TECTB: variants seen among roughly 807,000 people sequenced by gnomAD.
The protein encoded by TECTB is beta-tectorin.
A neutral mutation model predicts 43.3 loss-of-function variants in TECTB; 45 were observed. That is an observed-to-expected ratio of 1.04 (90% confidence interval 0.82 to 1.33). The LOEUF (loss-of-function observed/expected upper bound fraction) is 1.33. Ranked by LOEUF, TECTB falls within the 40% of genes most tolerant of loss-of-function variation. The pLI is 0.00. For missense variants in TECTB, 399 were observed against 404.7 expected, an observed-to-expected ratio of 0.99 and a Z score of 0.12; for synonymous variants, 169 against 156.7, an observed-to-expected ratio of 1.08 and a Z score of -0.59.
chr10:112,286,250 A>C (rs1259799415), intron 4 of TECTB, 37 bp downstream of exon 4: 1 of 1,614,062 alleles, frequency 6.2e-7, no homozygotes, highest in Non-Finnish European at 8.5e-7. Flanking sequence ...TGGCTGCCTC[A>C]TGTGTGTACT....
Position 112,300,279 on chromosome 10 carries a change from A to AAAGGAAAGAAAG in TECTB, c.907+717_907+718insGGAAAGAAAGAA, listed in dbSNP as rs1361291056. 1.8e-3 allele frequency among the ~76,000 whole-genome samples: 86 copies of AAAGGAAAGAAAG among 48,390 alleles called. 2 individuals carry two copies. Among genetic ancestry groups the AAAGGAAAGAAAG allele is most frequent in the Non-Finnish European group, 2.4e-3 (61 of 25,448 alleles). The allele number at this position is 48,390 out of a possible 152,430, so 31.7% of individuals were successfully genotyped here. On this transcript the variant is annotated intron_variant, in intron 9 of 10. Transcript: ENST00000646139. ...GAAAGAAAGAAAGAAAGAAAGAAAG[A>AAAGGAAAGAAAG]AAAGAAAGAAAGAAAGAAAGAAAGA...
At chr10:112,302,699 G>T (rs1199212836) in intron 10 of TECTB, 1 of 197,652 alleles carries the variant, frequency 5.1e-6, no homozygotes, top group African/African-American at 2.3e-5. Flanking sequence ...ACTGGGAACT[G>T]GTCTTGTGGC....
In TECTB at chr10:112,293,775, T is replaced by C. The variant is rs771587792; in HGVS notation, c.521T>C (p.Val174Ala). The C allele has an allele frequency of 1.9e-6, 3 of 1,614,046 alleles. No homozygotes were observed. Among genetic ancestry groups the C allele is most frequent in the South Asian group, 2.2e-5 (2 of 91,080 alleles). ...KFSIKKEAPF[V>A]LEASEIGSDL... ...TCCATCAAGAAAGAAGCTCCCTTTG[T>C]CCTGGAGGCATCCGAAATCGGTTCA... The change falls in exon 6 of 11, where the codon GTC becomes GCC. Residue 174 changes from valine (V) to alanine (A), a missense_variant. Coordinates refer to ENST00000646139, the MANE Select transcript of TECTB (RefSeq NM_058222.3).
chr10:112,286,990 C>G (rs1446051964), intron 5 of TECTB, among the ~76,000 whole-genome samples: 1 of 152,186 alleles, frequency 6.6e-6, no homozygotes, highest in Non-Finnish European at 1.5e-5. Context: ...TCCCATTTTA[C>G]AGATGAGAAA....
chr10:112,303,133 T>C, intron 10 of TECTB, 130 bp from the exon 11 acceptor site: 1 of 1,080,076 alleles, frequency 9.3e-7, no homozygotes, highest in Non-Finnish European at 1.4e-6. Context: ...CCCCAAGGGA[T>C]GAACAAAATC....
At chr10:112,295,719 G>C (rs780297798) in intron 7 of TECTB, among the ~76,000 whole-genome samples, 6 of 152,246 alleles carry the variant, frequency 3.9e-5, no homozygotes, top group Non-Finnish European at 7.3e-5. Flanking sequence ...ATTGCTATCA[G>C]GCACTGGGAA....
In TECTB at chr10:112,303,406, A is replaced by G. The variant is rs1848629173; in HGVS notation, c.*94A>G. On this transcript the variant is annotated 3_prime_UTR_variant, in exon 11 of 11. Coordinates refer to ENST00000646139, the MANE Select transcript of TECTB (RefSeq NM_058222.3). ...TGCTGCCAAAAAGAACAAACAGAAG[A>G]CCACATTGTTGGGGGGCAGAGAATA... is the stretch of plus-strand genomic sequence containing the variant. 10 of 1,506,900 alleles carry G rather than the reference A, an allele frequency of 6.6e-6. No individual in the cohort carries two copies. Among genetic ancestry groups the G allele is most frequent in the South Asian group, 1.1e-5 (1 of 88,302 alleles). 93.3% of individuals were successfully genotyped at this position (1,506,900 alleles called of 1,614,324 possible).
chr10:112,299,870 A>AC (rs1204840608), intron 9 of TECTB, among the ~76,000 whole-genome samples: 9 of 152,116 alleles, frequency 5.9e-5, no homozygotes, highest in Middle Eastern at 3.4e-3. Flanking sequence ...ATAGAAAATG[A>AC]GATGTCATGG....
intron 7 of TECTB, among the ~76,000 whole-genome samples, chr10:112,297,490 G>A (rs994599924): frequency 8.2e-4 from 125 of 152,192 alleles, no homozygotes; most frequent in African/African-American, 2.9e-3. Flanking sequence ...ATCAGCCTGT[G>A]TTAACATTTA....
In TECTB at chr10:112,300,279, A is replaced by AAAGAAAGAAAGAAAG. The variant is rs1361291056; in HGVS notation, c.907+717_907+718insGAAAGAAAGAAAGAA. On this transcript the variant is annotated intron_variant, in intron 9 of 10. Coordinates refer to ENST00000646139, the MANE Select transcript of TECTB (RefSeq NM_058222.3). ...GAAAGAAAGAAAGAAAGAAAGAAAG[A>AAAGAAAGAAAGAAAG]AAAGAAAGAAAGAAAGAAAGAAAGA... is the stretch of plus-strand genomic sequence containing the variant. 8.7e-3 allele frequency among the ~76,000 whole-genome samples: 419 copies of AAAGAAAGAAAGAAAG among 48,266 alleles called. 9 individuals are homozygous for AAAGAAAGAAAGAAAG. The highest frequency in any genetic ancestry group is 0.048 in the Middle Eastern group (5 of 104). 31.7% of individuals were successfully genotyped at this position (48,266 alleles called of 152,430 possible).
At chr10:112,288,742 A>G (rs1411406830) in intron 5 of TECTB, among the ~76,000 whole-genome samples, 1 of 152,178 alleles carries the variant, frequency 6.6e-6, no homozygotes, top group Non-Finnish European at 1.5e-5. Flanking sequence ...ATTGCTTAGG[A>G]TCCTGAGAGC....
rs894624129 is a variant in TECTB, at chr10:112,303,416, T to TG, written c.*110dup. 76 of 1,445,456 alleles carry TG rather than the reference T, an allele frequency of 5.3e-5. 3 individuals carry two copies. Among genetic ancestry groups the TG allele is most frequent in the South Asian group, 1.2e-5 (1 of 86,354 alleles). 89.5% of individuals were successfully genotyped at this position (1,445,456 alleles called of 1,614,324 possible). A position where few individuals can be genotyped will look rare whatever the true frequency, so the allele number is the denominator to read the frequency against. ...AAGAACAAACAGAAGACCACATTGT[T>TG]GGGGGGCAGAGAATAGCACTTTGCC... On this transcript the variant is annotated 3_prime_UTR_variant, in exon 11 of 11. Coordinates refer to ENST00000646139, the MANE Select transcript of TECTB (RefSeq NM_058222.3).
rs375753282 is a variant in TECTB at position 112,302,148 on chromosome 10, C to T, written c.940+15C>T. 22 of 1,613,850 alleles carry T rather than the reference C, an allele frequency of 1.4e-5. No individual in the cohort carries two copies. In the African/African-American group the frequency reaches 2.7e-4, roughly 20 times the overall value. On this transcript the variant is annotated intron_variant, in intron 10 of 10. Coordinates refer to ENST00000646139, the MANE Select transcript of TECTB (RefSeq NM_058222.3). ...TAGCTTCTCAGGTAAGGAAAAGAGA[C>T]ACTTCTGGGATTTCGTGGGGCTATG...
chr10:112,292,442 G>C (rs1156911068), intron 5 of TECTB, among the ~76,000 whole-genome samples: 1 of 151,890 alleles, frequency 6.6e-6, no homozygotes, highest in Non-Finnish European at 1.5e-5. Flanking sequence ...GAGGTTTTTT[G>C]TTTTTTGTTT....
Position 112,286,031 on chromosome 10 carries a change from G to A in TECTB, c.268-40G>A, listed in dbSNP as rs1415153340. ...CCCAGAACCCTCATTCCCATCGCGG[G>A]GAAACAGATTCATCCTGACTGTCTC... On this transcript the variant is annotated intron_variant, in intron 3 of 10. Coordinates refer to ENST00000646139, the MANE Select transcript of TECTB (RefSeq NM_058222.3). 3 of 1,610,928 alleles carry A rather than the reference G, an allele frequency of 1.9e-6. No individual in the cohort carries two copies. In the Admixed American group the frequency reaches 5.0e-5, roughly 27 times the overall value.
In TECTB at chr10:112,303,293, G is replaced by C. The variant is rs373118400; in HGVS notation, c.971G>C (p.Gly324Ala). 15 of 1,613,970 alleles carry C rather than the reference G, an allele frequency of 9.3e-6. No homozygotes were observed. The highest frequency in any genetic ancestry group is 1.3e-5 in the Non-Finnish European group (15 of 1,180,030). ...DVLHHLIMML[G>A]ICAVL is the part of the protein sequence containing the mutation. ...CTCCACCACCTCATCATGATGTTGG[G>C]GATTTGTGCCGTGTTATAGGAGTTA... Residue 324 changes from glycine to alanine, a missense_variant, in exon 11 of 11, where the codon GGG (glycine) becomes GCG (alanine). Transcript: ENST00000646139.
intron 7 of TECTB, among the ~76,000 whole-genome samples, chr10:112,294,553 A>G (rs918327699): frequency 6.6e-6 from 1 of 152,214 alleles, no homozygotes; most frequent in Non-Finnish European, 1.5e-5. Flanking sequence ...ACCATTTTAA[A>G]TAAGATCATT....
rs752727295 is a variant in TECTB, at chr10:112,283,778, C to T, written c.44C>T (p.Ala15Val). ...AFVLLAIFAE[A>V]SAKSCAPNKA... ...GTCTTGTTGGCCATCTTTGCAGAAG[C>T]CTCTGCAAAATCGTGTGCTCCAAAT... is the stretch of plus-strand genomic sequence containing the variant. Residue 15 changes from alanine to valine, a missense_variant, in exon 2 of 11, where the codon GCC becomes GTC. Transcript: ENST00000646139. The T allele has an allele frequency of 1.9e-6, 3 of 1,613,936 alleles. No individual in the cohort carries two copies. Among genetic ancestry groups the T allele is most frequent in the South Asian group, 2.2e-5 (2 of 91,030 alleles).
At chr10:112,288,827 C>T (rs1848475652) in intron 5 of TECTB, among the ~76,000 whole-genome samples, 1 of 152,224 alleles carries the variant, frequency 6.6e-6, no homozygotes, top group African/African-American at 2.4e-5. Context: ...ATCCCCCTCC[C>T]ACTCACTCTT....
Sources: gnomAD v4.1 joint callset for allele counts (sites outside exome capture counted in the v4.1 genomes callset) on GRCh38, gnomAD v4.1.1 for gene constraint, MANE v1.5 for transcripts, NCBI Gene and HGNC (gene_info 2026-07-23, HGNC 2026-07-21) for gene names.